IL36B: variants seen among roughly 807,000 people sequenced by gnomAD.
The protein encoded by IL36B is interleukin-36 beta.
IL36B carries 23 observed loss-of-function variants against 19.3 expected under a neutral mutation model. The ratio of observed to expected loss-of-function variants is 1.19; its 90% CI spans 0.86 to 1.69. The LOEUF (loss-of-function observed/expected upper bound fraction) is 1.69, where lower values mean the gene tolerates loss of function less well. Among genes scored for constraint, IL36B ranks in the 40% most tolerant of loss-of-function variants. The pLI is 0.00. For missense variants in IL36B, 217 were observed against 200.5 expected, an observed-to-expected ratio of 1.08 and a Z score of -0.50; for synonymous variants, 59 against 59.7, an observed-to-expected ratio of 0.99 and a Z score of 0.05.
intron 1 of IL36B, among the ~76,000 whole-genome samples, chr2:113,037,374 G>A (rs1344428149): frequency 3.9e-5 from 6 of 152,234 alleles, no homozygotes; most frequent in African/African-American, 1.4e-4. Context: ...TTGAGGCTGG[G>A]TGTGGTGGCT....
chr2:113,029,250 A>C (rs1258588007), intron 3 of IL36B, among the ~76,000 whole-genome samples, 172 bp from the exon 4 acceptor site: 1 of 152,158 alleles, frequency 6.6e-6, no homozygotes. Context: ...ACAGAACCCC[A>C]GTTGTCACCA....
At chr2:113,047,070 A>C (rs1022972070) in intron 1 of IL36B, among the ~76,000 whole-genome samples, 1 of 152,220 alleles carries the variant, frequency 6.6e-6, no homozygotes, top group African/African-American at 2.4e-5. Context: ...ATTATAATCC[A>C]GTGCTACTTT....
At chr2:113,032,495 C>T (rs1214282569) in intron 1 of IL36B, among the ~76,000 whole-genome samples, 4 of 152,140 alleles carry the variant, frequency 2.6e-5, no homozygotes, top group Non-Finnish European at 5.9e-5. Context: ...AATAGTTGTC[C>T]CTACACAGTG....
intron 3 of IL36B, 65 bp from the exon 4 acceptor site, chr2:113,029,143 C>T: frequency 1.3e-6 from 2 of 1,521,498 alleles, no homozygotes; most frequent in Non-Finnish European, 1.8e-6. Flanking sequence ...CAGTTACTCC[C>T]CCCAGGTAGG....
chr2:113,049,289 T>TAC (rs1431129780), intron 1 of IL36B, among the ~76,000 whole-genome samples: 1 of 152,180 alleles, frequency 6.6e-6, no homozygotes, highest in African/African-American at 2.4e-5. Flanking sequence ...AAAAAATGGA[T>TAC]ACATTGGACT....
At chr2:113,024,309 C>G (rs1223339568) in intron 5 of IL36B, among the ~76,000 whole-genome samples, 1 of 152,174 alleles carries the variant, frequency 6.6e-6, no homozygotes, top group African/African-American at 2.4e-5. Context: ...ACTAGTGCTT[C>G]AGAGACTGGA....
chr2:113,034,860 C>T (rs531978122), intron 1 of IL36B, among the ~76,000 whole-genome samples: 1 of 152,314 alleles, frequency 6.6e-6, no homozygotes, highest in Admixed American at 6.5e-5. Context: ...ATGACTGGCA[C>T]ACCTAGAGAC....
At chr2:113,051,307 C>A (rs547910867) in intron 1 of IL36B, among the ~76,000 whole-genome samples, 2 of 152,222 alleles carry the variant, frequency 1.3e-5, no homozygotes, top group Admixed American at 1.3e-4. Context: ...GAGGCACAGA[C>A]GAGGAAAGCG....
intron 1 of IL36B, among the ~76,000 whole-genome samples, chr2:113,035,900 G>A (rs1685159074): frequency 6.6e-6 from 1 of 152,150 alleles, no homozygotes; most frequent in African/African-American, 2.4e-5. Flanking sequence ...AGGATTTGGT[G>A]GGGAAGAAAT....
At position 113,026,181 on chromosome 2, in the gene IL36B, C is replaced by T; in HGVS notation, c.313G>A (p.Gly105Arg). 6.2e-7 allele frequency: 1 copy of T among 1,613,870 alleles called. No homozygotes were observed. Among genetic ancestry groups the T allele is most frequent in the Non-Finnish European group, 8.5e-7 (1 of 1,179,852 alleles). ...TCCAGGTTTATGCATGTGTGAATTC[C>T]AACTAGTTTCCAGCAAGTGTCCTTC... The change falls in exon 5 of 6, where the codon GGA becomes AGA. Residue 105 changes from glycine (G) to arginine (R), a missense_variant. By Grantham distance (125) the Gly-to-Arg change is moderately radical. Transcript: ENST00000259213.
At chr2:113,033,356 C>T (rs888758286) in intron 1 of IL36B, among the ~76,000 whole-genome samples, 6 of 152,162 alleles carry the variant, frequency 3.9e-5, no homozygotes, top group Admixed American at 1.3e-4. Context: ...CTCAGCCTCC[C>T]GAGTAGCTGG....
intron 1 of IL36B, among the ~76,000 whole-genome samples, chr2:113,040,732 T>A (rs1359581225): frequency 6.6e-6 from 1 of 152,200 alleles, no homozygotes; most frequent in Admixed American, 6.5e-5. Context: ...TGAGAGAGAT[T>A]AAAGAATACC....
chr2:113,050,523 G>T (rs2105059897), intron 1 of IL36B, among the ~76,000 whole-genome samples: 1 of 152,258 alleles, frequency 6.6e-6, no homozygotes, highest in East Asian at 1.9e-4. Context: ...TCTGGAGATG[G>T]ATGGTGGTGA....
chr2:113,028,088 C>A (rs1684998246), intron 4 of IL36B: 1 of 1,613,938 alleles, frequency 6.2e-7, no homozygotes, highest in Admixed American at 1.7e-5. Context: ...GCTTTCTTCT[C>A]CACATACAGG....
Position 113,026,194 on chromosome 2 carries a change from G to T in IL36B, c.300C>A (p.Cys100Ter). ...ATGTGTGAATTCCAACTAGTTTCCA[G>T]CAAGTGTCCTTCCCTATGTTATCTT... The change falls in exon 5 of 6, where the codon TGC (cysteine) becomes TGA (stop). Residue 100 changes from cysteine to a stop codon, truncating the protein, a stop_gained. Transcript: ENST00000259213. LOFTEE classifies it high-confidence loss of function. 1 of 1,613,910 alleles carries T rather than the reference G, an allele frequency of 6.2e-7. No homozygotes were observed. The highest frequency in any genetic ancestry group is 1.1e-5 in the South Asian group (1 of 91,064).
intron 4 of IL36B, 93 bp from the exon 5 acceptor site, chr2:113,028,208 GC>G: frequency 1.0e-6 from 1 of 979,734 alleles, no homozygotes. Context: ...AGGGACTGCT[GC>G]CCCCAAAGGA....
At chr2:113,051,409 C>T (rs1440554639) in intron 1 of IL36B, among the ~76,000 whole-genome samples, 2 of 150,876 alleles carry the variant, frequency 1.3e-5, no homozygotes, top group African/African-American at 5.0e-5. Context: ...TGACACACAC[C>T]GGAGCCTCAC....
At chr2:113,033,703 G>A (rs1182528387) in intron 1 of IL36B, among the ~76,000 whole-genome samples, 1 of 152,080 alleles carries the variant, frequency 6.6e-6, no homozygotes, top group Non-Finnish European at 1.5e-5. Flanking sequence ...GCCTCCCCTG[G>A]GTCATAGTCT....
chr2:113,042,963 A>G (rs936045371), intron 1 of IL36B, among the ~76,000 whole-genome samples: 24 of 152,170 alleles, frequency 1.6e-4, no homozygotes, highest in African/African-American at 5.5e-4. Flanking sequence ...TAATTTTAGC[A>G]ATAGTAATAG....
Sources: gnomAD v4.1 joint callset for allele counts (sites outside exome capture counted in the v4.1 genomes callset) on GRCh38, gnomAD v4.1.1 for gene constraint, MANE v1.5 for transcripts, NCBI Gene and HGNC (gene_info 2026-07-23, HGNC 2026-07-21) for gene names.